CCP110: variants seen among roughly 807,000 people sequenced by gnomAD.
CCP110 encodes centriolar coiled-coil protein of 110 kDa.
CCP110 carries 43 observed loss-of-function variants against 105.5 expected under a neutral mutation model. That is an observed-to-expected ratio of 0.41 (90% CI 0.32 to 0.53). CCP110 has a LOEUF of 0.53. CCP110 is among the 20% of genes least tolerant of loss of function. CCP110 has a pLI of 0.32. For missense variants in CCP110, 1,016 were observed against 1,189.1 expected, an observed-to-expected ratio of 0.85 and a Z score of 2.14; for synonymous variants, 353 against 392.1, an observed-to-expected ratio of 0.90 and a Z score of 1.18.
At position 19,548,387 on chromosome 16, in the gene CCP110, A is replaced by G. The variant is rs1229285002; in HGVS notation, c.2901-128A>G. ...TTAGCTTTCCTTACTGTGCGCATGC[A>G]TGAGACTTCAGTTCTTTTCAAGCTT... On this transcript the variant is annotated intron_variant, in intron 13 of 14. Transcript: ENST00000381396. The surrounding 1 kb of genome is among the most constrained non-coding windows in gnomAD (Gnocchi z 4.1). 1.5e-5 allele frequency: 10 copies of G among 648,922 alleles called. No individual in the cohort carries two copies. The highest frequency in any genetic ancestry group is 6.2e-5 in the Admixed American group (2 of 32,148). 40.2% of individuals were successfully genotyped at this position (648,922 alleles called of 1,614,324 possible).
chr16:19,536,877 G>A (rs771701964), exon 4 of CCP110: 1 of 1,613,878 alleles, frequency 6.2e-7, no homozygotes, highest in East Asian at 2.2e-5. Context: ...AGCCCTAAAG[G>A]AAAAGAACAG....
rs770190968 is a variant in CCP110, at chr16:19,537,036, G to A, written c.1367G>A (p.Gly456Asp). ...GAAGTCAAAGAAGATGTGGTTTTAGGTAAATCAAATCAGGTATGTCAATCT... is the reference window on the plus strand; with the variant it reads ...GAAGTCAAAGAAGATGTGGTTTTAGATAAATCAAATCAGGTATGTCAATCT... Residue 456 changes from glycine (G) to aspartate (D), a missense_variant, in exon 4 of 15, where the codon GGT becomes GAT. Gly to Asp is a moderately conservative substitution (Grantham distance 94, BLOSUM62 -1). Transcript: ENST00000381396. 2.5e-6 allele frequency: 4 copies of A among 1,614,202 alleles called. No individual in the cohort carries two copies. The Admixed American group carries it at 5.0e-5, about 20-fold the overall frequency.
exon 4 of CCP110, chr16:19,536,966 G>A: frequency 2.5e-6 from 4 of 1,614,220 alleles, no homozygotes; most frequent in Non-Finnish European, 3.4e-6. Flanking sequence ...AACTGATTTA[G>A]CGGGAGTTTG....
In CCP110 at chr16:19,548,650, A is replaced by G; in HGVS notation, c.2986+50A>G. 8.7e-7 allele frequency: 1 copy of G among 1,143,462 alleles called. No individual in the cohort carries two copies. Among genetic ancestry groups the G allele is most frequent in the Non-Finnish European group, 1.3e-6 (1 of 788,530 alleles). 70.8% of individuals were successfully genotyped at this position (1,143,462 alleles called of 1,614,324 possible). On this transcript the variant is annotated intron_variant, in intron 14 of 14. Transcript: ENST00000381396. This position sits in a 1 kb window ranked among gnomAD's most constrained non-coding sequence, Gnocchi z 4.1. ...GCCCATTCAATAGAAGGAAGTGCAC[A>G]AGCTGCCCCATAACTCAGGCCATAG...
exon 3 of CCP110, chr16:19,532,511 G>A (rs747637629): frequency 1.9e-6 from 3 of 1,611,140 alleles, no homozygotes; most frequent in Non-Finnish European, 2.5e-6. Context: ...AAGCTTTACT[G>A]ACTCGTGTCC....
intron 2 of CCP110, among the ~76,000 whole-genome samples, chr16:19,530,341 CTGGAAGTGAAGTT>C (rs1455514621): frequency 3.3e-5 from 5 of 151,988 alleles, no homozygotes; most frequent in Admixed American, 6.6e-5. Context: ...TTCCTATGAA[CTGGAAGTGAAGTT>C]TGATAAACAG....
chr16:19,544,627 G>A (rs1970399964), intron 8 of CCP110, among the ~76,000 whole-genome samples, 170 bp from the exon 9 acceptor site: 1 of 152,134 alleles, frequency 6.6e-6, no homozygotes, highest in Non-Finnish European at 1.5e-5. Context: ...TTATATAAGG[G>A]ACTCCAGCAT....
chr16:19,536,745 G>T (rs769548557), exon 4 of CCP110: 5 of 1,614,038 alleles, frequency 3.1e-6, no homozygotes, highest in Non-Finnish European at 3.4e-6. Flanking sequence ...AGTCTTACAG[G>T]TTCATATGCC....
intron 3 of CCP110, 67 bp from the exon 4 acceptor site, chr16:19,535,873 G>T: frequency 9.3e-7 from 1 of 1,080,120 alleles, no homozygotes; most frequent in Non-Finnish European, 1.3e-6. Flanking sequence ...TTTTATTTTA[G>T]AAAACAGTGA....
chr16:19,540,749 A>G, exon 5 of CCP110: 3 of 1,613,776 alleles, frequency 1.9e-6, no homozygotes, highest in Non-Finnish European at 2.5e-6. Flanking sequence ...ATCACTACTC[A>G]TAGCTGAGCA....
intron 3 of CCP110, 23 bp from the exon 4 acceptor site, chr16:19,535,917 A>G (rs750384183): frequency 6.8e-7 from 1 of 1,468,310 alleles, no homozygotes; most frequent in South Asian, 1.3e-5. Context: ...AGGAAATATT[A>G]ATTTTTAAAT....
In CCP110 at chr16:19,530,420, G is replaced by C. The variant is rs539176548; in HGVS notation, c.142-1996G>C. ...GGGCTGGGCGGGGTGGCTCATGCCT[G>C]TAATCCCAGCACTTTGGGAGGCTGA... On this transcript the variant is annotated intron_variant, in intron 2 of 14. Coordinates refer to ENST00000381396, the Ensembl canonical transcript of CCP110. 3.3e-5 allele frequency among the ~76,000 whole-genome samples: 5 copies of C among 150,576 alleles called. No homozygotes were observed. In the East Asian group the frequency reaches 1.0e-3, roughly 30 times the overall value.
chr16:19,538,350 G>A (rs1289456596), intron 4 of CCP110, among the ~76,000 whole-genome samples: 5 of 107,292 alleles, frequency 4.7e-5, no homozygotes, highest in East Asian at 3.2e-4. Context: ...TTGCTCTGTC[G>A]CCAGGCTGGA....
chr16:19,534,740 T>C (rs1969987868), intron 3 of CCP110, among the ~76,000 whole-genome samples: 1 of 152,166 alleles, frequency 6.6e-6, no homozygotes, highest in Non-Finnish European at 1.5e-5. Flanking sequence ...GTATGTCTTA[T>C]TGTACTGTGT....
At chr16:19,524,605 C>G (rs1481063426) in intron 1 of CCP110, among the ~76,000 whole-genome samples, 1 of 152,160 alleles carries the variant, frequency 6.6e-6, no homozygotes, top group Middle Eastern at 3.2e-3. Flanking sequence ...ATAAAGTAAT[C>G]GATTGCCCCT....
At chr16:19,546,266 C>A (rs1372145995) in intron 11 of CCP110, 146 bp from the exon 12 acceptor site, 2 of 534,094 alleles carry the variant, frequency 3.7e-6, no homozygotes, top group Admixed American at 3.7e-5. Flanking sequence ...TTCTTGAATG[C>A]AGTCTTTAAT....
chr16:19,545,697 A>G, intron 10 of CCP110, 120 bp from the exon 11 acceptor site: 1 of 645,118 alleles, frequency 1.6e-6, no homozygotes, highest in Non-Finnish European at 2.8e-6. Flanking sequence ...AGATGATTTA[A>G]CTAAATTAAA....
chr16:19,548,789 G>T lies in CCP110; in HGVS notation c.2986+189G>T, dbSNP rs1306229384. Among the ~76,000 whole-genome samples the T allele has an allele frequency of 1.3e-5, 2 of 152,170 alleles. No homozygotes were observed. The highest frequency in any genetic ancestry group is 2.9e-5 in the Non-Finnish European group (2 of 68,026). ...GCAGTCAGGAAGTCTTAGTAAAAGT[G>T]TGATTCCAGTCTTCATTTCTATAAT... On this transcript the variant is annotated intron_variant, in intron 14 of 14. Transcript: ENST00000381396. The surrounding 1 kb of genome is among the most constrained non-coding windows in gnomAD (Gnocchi z 4.1).
At chr16:19,538,929 T>C (rs969838790) in intron 4 of CCP110, among the ~76,000 whole-genome samples, 10 of 151,812 alleles carry the variant, frequency 6.6e-5, no homozygotes, top group Admixed American at 3.3e-4. Context: ...CTGACAAACA[T>C]GGCGAAACCC....
Sources: gnomAD v4.1 joint callset for allele counts (sites outside exome capture counted in the v4.1 genomes callset) on GRCh38, gnomAD v4.1.1 for gene constraint, Gnocchi (gnomAD v3.1) non-coding constraint, MANE v1.5 for transcripts, NCBI Gene and HGNC (gene_info 2026-07-23, HGNC 2026-07-21) for gene names.